Variants in COL5A2 observed in about 807,000 individuals in gnomAD.
COL5A2 encodes the protein collagen alpha-2(V) chain.
In COL5A2, 23 loss-of-function variants were observed where a neutral mutation model predicts 208.2. The observed-to-expected ratio is 0.11, with a 90% CI of 0.08 to 0.16. The LOEUF is 0.16. Among genes scored for constraint, COL5A2 ranks in the 10% least tolerant of loss-of-function variants. The probability of loss-of-function intolerance (pLI) is 1.00; values close to 1 mark genes in which losing one functional copy is unlikely to be tolerated. For synonymous variants in COL5A2, 625 were observed against 628.5 expected, an observed-to-expected ratio of 0.99 and a Z score of 0.08; for missense variants, 1,590 against 1,956.4, an observed-to-expected ratio of 0.81 and a Z score of 3.53.
chr2:189,244,453 T>C, the COL5A2 span, among the ~76,000 whole-genome samples: 3 of 152,178 alleles, frequency 2.0e-5, no homozygotes, highest in African/African-American at 7.2e-5. Context: ...TGCTAAAACA[T>C]AACAAGAGTC....
At chr2:189,333,248 G>C in the COL5A2 span, among the ~76,000 whole-genome samples, 1 of 152,004 alleles carries the variant, frequency 6.6e-6, no homozygotes. Flanking sequence ...ACTAACAATA[G>C]ATAAATCAAC....
chr2:189,036,951 C>T (rs1685455953), intron 51 of COL5A2, 148 bp from the exon 52 acceptor site: 2 of 680,084 alleles, frequency 2.9e-6, no homozygotes, highest in Non-Finnish European at 5.0e-6. Flanking sequence ...AAAAAGTAAC[C>T]GGTATGCATT....
chr2:189,205,747 T>C (rs1400735336), intron 1 of COL5A2, among the ~76,000 whole-genome samples: 2 of 152,206 alleles, frequency 1.3e-5, no homozygotes, highest in East Asian at 1.9e-4. Flanking sequence ...TTGTGATTCC[T>C]ATAGTAATAA....
chr2:189,186,435 C>A (rs549556079), intron 1 of COL5A2, among the ~76,000 whole-genome samples: 18 of 152,202 alleles, frequency 1.2e-4, no homozygotes, highest in Non-Finnish European at 2.4e-4. Context: ...ATGTCAAATA[C>A]TGTGTTAGCA....
the COL5A2 span, among the ~76,000 whole-genome samples, chr2:189,364,152 A>G: frequency 6.6e-6 from 1 of 152,216 alleles, no homozygotes; most frequent in Admixed American, 6.5e-5. Context: ...ATGAACACAC[A>G]TGTTCTTCTT....
chr2:189,057,864 C>T lies in COL5A2; in HGVS notation c.2230-437G>A, dbSNP rs192389962. Among the ~76,000 whole-genome samples, 323 of 152,222 alleles carry T rather than the reference C, an allele frequency of 2.1e-3. 1 individual carries two copies. Among genetic ancestry groups the T allele is most frequent in the African/African-American group, 6.6e-3 (274 of 41,536 alleles). On this transcript the variant is annotated intron_variant, in intron 33 of 53. Coordinates refer to ENST00000374866, the MANE Select transcript of COL5A2 (RefSeq NM_000393.5). The stretch of plus-strand genomic sequence containing the variant: ...TAGACTGCATCAATCACTCTAAACC[C>T]TGAAAATAATAAGGGGTCTCATGTC...
intron 16 of COL5A2, among the ~76,000 whole-genome samples, chr2:189,077,381 C>T (rs1165165478): frequency 6.6e-6 from 1 of 152,062 alleles, no homozygotes; most frequent in Admixed American, 6.6e-5. Flanking sequence ...AAACAGAATA[C>T]AAAGTTGGAA....
chr2:189,350,602 T>C, the COL5A2 span, among the ~76,000 whole-genome samples: 5 of 152,342 alleles, frequency 3.3e-5, no homozygotes, highest in South Asian at 8.3e-4. Context: ...CAGAGTGTTA[T>C]TCCACATGGC....
At chr2:189,414,674 G>A in the COL5A2 span, among the ~76,000 whole-genome samples, 95 of 150,412 alleles carry the variant, frequency 6.3e-4, no homozygotes, top group Non-Finnish European at 1.1e-3. Context: ...GCTTGAGCCC[G>A]GGAGACAGAG....
chr2:189,095,121 T>G (rs1000404132), intron 6 of COL5A2: 4 of 149,450 alleles, frequency 2.7e-5, no homozygotes, highest in African/African-American at 9.9e-5. Context: ...TTGTGAGCCT[T>G]CCGTACTGTT....
At chr2:189,118,347 C>T (rs1687436972) in intron 1 of COL5A2, among the ~76,000 whole-genome samples, 1 of 151,856 alleles carries the variant, frequency 6.6e-6, no homozygotes, top group African/African-American at 2.4e-5. Flanking sequence ...AAATATTTTA[C>T]ATAAAACATT....
At chr2:189,242,315 T>C in the COL5A2 span, among the ~76,000 whole-genome samples, 5 of 152,336 alleles carry the variant, frequency 3.3e-5, no homozygotes, top group African/African-American at 7.2e-5. Flanking sequence ...CCGTTAATAT[T>C]TGTAAATAAC....
intron 1 of COL5A2, among the ~76,000 whole-genome samples, chr2:189,121,091 T>C (rs1237428069): frequency 6.6e-6 from 1 of 151,684 alleles, no homozygotes; most frequent in Non-Finnish European, 1.5e-5. Flanking sequence ...TATAGGCAAA[T>C]CTTGGTTGTT....
chr2:189,214,734 T>G (rs186035225), intron 1 of COL5A2, among the ~76,000 whole-genome samples: 2 of 152,340 alleles, frequency 1.3e-5, no homozygotes, highest in African/African-American at 4.8e-5. Context: ...ACCTTGTAGC[T>G]TGACTAACCA....
At chr2:189,078,041 A>G (rs1447657662) in intron 16 of COL5A2, among the ~76,000 whole-genome samples, 2 of 152,190 alleles carry the variant, frequency 1.3e-5, no homozygotes, top group Admixed American at 1.3e-4. Context: ...ATTAAAATGA[A>G]TCAAGGACAG....
At chr2:189,296,650 C>T in the COL5A2 span, among the ~76,000 whole-genome samples, 1 of 152,100 alleles carries the variant, frequency 6.6e-6, no homozygotes, top group Admixed American at 6.5e-5. Flanking sequence ...ATCCCTTATT[C>T]CTGGGATATA....
chr2:189,433,538 A>T, the COL5A2 span, among the ~76,000 whole-genome samples: 1 of 152,252 alleles, frequency 6.6e-6, no homozygotes, highest in Non-Finnish European at 1.5e-5. Context: ...GTACCATCAG[A>T]GAATACAATA....
chr2:189,042,251 T>C (rs1685577391), intron 49 of COL5A2, among the ~76,000 whole-genome samples: 1 of 152,196 alleles, frequency 6.6e-6, no homozygotes, highest in Non-Finnish European at 1.5e-5. Flanking sequence ...TTAATACTAA[T>C]GGAGAATTTC....
chr2:189,243,611 GAC>G, the COL5A2 span, among the ~76,000 whole-genome samples: 1 of 152,092 alleles, frequency 6.6e-6, no homozygotes. Flanking sequence ...TTTGGGTGGG[GAC>G]ACAGAGCCAA....
Sources: gnomAD v4.1 joint callset for allele counts (sites outside exome capture counted in the v4.1 genomes callset) on GRCh38, gnomAD v4.1.1 for gene constraint, MANE v1.5 for transcripts, NCBI Gene and HGNC (gene_info 2026-07-23, HGNC 2026-07-21) for gene names.